The following AKAP6 variants were observed in gnomAD, a reference collection of about 807,000 sequenced individuals.
AKAP6 encodes A-kinase anchor protein 6.
AKAP6 carries 58 observed loss-of-function variants against 188.5 expected under a neutral mutation model. That is an observed-to-expected ratio of 0.31 (90% CI 0.25 to 0.38). AKAP6 has a LOEUF of 0.38. Among genes scored for constraint, AKAP6 ranks in the 10% least tolerant of loss-of-function variants. AKAP6 has a pLI of 1.00. For synonymous variants in AKAP6, 989 were observed against 998.6 expected, an observed-to-expected ratio of 0.99 and a Z score of 0.18; for missense variants, 2,710 against 2,740.0, an observed-to-expected ratio of 0.99 and a Z score of 0.24.
intron 7 of AKAP6, among the ~76,000 whole-genome samples, chr14:32,605,829 A>G (rs548685940): frequency 2.0e-5 from 3 of 152,334 alleles, no homozygotes; most frequent in South Asian, 2.1e-4. Context: ...ATGATAATAC[A>G]TAACTCCAGA....
At chr14:32,592,997 C>T (rs961521160) in intron 5 of AKAP6, among the ~76,000 whole-genome samples, 3 of 141,664 alleles carry the variant, frequency 2.1e-5, no homozygotes, top group South Asian at 2.4e-4. Flanking sequence ...CACAGTGTCC[C>T]CTACCCCCAC....
At chr14:32,442,240 T>G (rs1890599682) in intron 2 of AKAP6, 1 of 152,184 alleles carries the variant, frequency 6.6e-6, no homozygotes, top group Non-Finnish European at 1.5e-5. Flanking sequence ...AACCATGTAT[T>G]TTGAGCCTCA....
intron 2 of AKAP6, among the ~76,000 whole-genome samples, chr14:32,522,656 G>A (rs1403572863): frequency 6.6e-6 from 1 of 152,198 alleles, no homozygotes; most frequent in African/African-American, 2.4e-5. Context: ...TCTCACACCA[G>A]TTAGAATGGT....
chr14:32,766,268 G>A (rs1458061794), intron 11 of AKAP6, among the ~76,000 whole-genome samples: 4 of 151,982 alleles, frequency 2.6e-5, no homozygotes, highest in Non-Finnish European at 5.9e-5. Flanking sequence ...GTTGATGGGT[G>A]TTTGACATGT....
chr14:32,485,498 T>C (rs375559542), intron 2 of AKAP6, among the ~76,000 whole-genome samples: 1 of 152,104 alleles, frequency 6.6e-6, no homozygotes, highest in East Asian at 1.9e-4. Context: ...TTTTAATGAT[T>C]GCCATTCTAA....
chr14:32,533,618 A>G (rs939674223), intron 2 of AKAP6, among the ~76,000 whole-genome samples: 1 of 152,188 alleles, frequency 6.6e-6, no homozygotes, highest in African/African-American at 2.4e-5. Context: ...GGAGTTTCTC[A>G]AAGTGGCACA....
intron 1 of AKAP6, among the ~76,000 whole-genome samples, chr14:32,377,703 C>A (rs764865363): frequency 1.6e-4 from 25 of 152,186 alleles, no homozygotes; most frequent in Non-Finnish European, 3.1e-4. Context: ...GGGTGCCCTA[C>A]TTCTGGAGAA....
At chr14:32,636,893 G>A (rs545405365) in intron 7 of AKAP6, among the ~76,000 whole-genome samples, 1 of 152,178 alleles carries the variant, frequency 6.6e-6, no homozygotes, top group African/African-American at 2.4e-5. Flanking sequence ...GATCAGCTGT[G>A]CAATTTAGAG....
At chr14:32,711,143 T>C (rs896247474) in intron 9 of AKAP6, among the ~76,000 whole-genome samples, 1 of 152,082 alleles carries the variant, frequency 6.6e-6, no homozygotes, top group African/African-American at 2.4e-5. Context: ...ATCTGCTATA[T>C]TGCAGTAATA....
chr14:32,339,427 T>G (rs117771057), intron 1 of AKAP6, among the ~76,000 whole-genome samples: 14 of 152,280 alleles, frequency 9.2e-5, no homozygotes, highest in African/African-American at 2.6e-4. Flanking sequence ...AATTCTTCTA[T>G]TGGAAGCAGG....
rs772087208 is a variant in AKAP6, at chr14:32,773,665, C to G, written c.3373-13C>G. The G allele has an allele frequency of 3.1e-6, 5 of 1,610,588 alleles. No individual in the cohort carries two copies. The highest frequency in any genetic ancestry group is 2.2e-5 in the South Asian group (2 of 90,732). ...TATAAACACTCATAGATTGGTTTCTCTCTATGTTGCAGTCCCTCTGTCGTG... is the reference window on the plus strand; with the variant it reads ...TATAAACACTCATAGATTGGTTTCTGTCTATGTTGCAGTCCCTCTGTCGTG... On this transcript the variant is annotated splice_polypyrimidine_tract_variant and intron_variant, in intron 11 of 13. Transcript: ENST00000280979.
intron 4 of AKAP6, among the ~76,000 whole-genome samples, chr14:32,556,748 T>G (rs144201026): frequency 9.7e-4 from 148 of 152,330 alleles, no homozygotes; most frequent in African/African-American, 3.4e-3. Flanking sequence ...CATCAAGTTT[T>G]TAAGTTTGAT....
chr14:32,723,718 C>T (rs1005839121), intron 9 of AKAP6, among the ~76,000 whole-genome samples: 1 of 152,084 alleles, frequency 6.6e-6, no homozygotes, highest in Non-Finnish European at 1.5e-5. Context: ...GCTCTCCCAT[C>T]CTCCACAGTT....
intron 4 of AKAP6, among the ~76,000 whole-genome samples, chr14:32,571,947 T>C (rs1453724901): frequency 6.6e-6 from 1 of 152,182 alleles, no homozygotes; most frequent in Non-Finnish European, 1.5e-5. Context: ...AAAATAAATG[T>C]GTTTCTTGTT....
chr14:32,818,759 G>A (rs2034450051), intron 12 of AKAP6, among the ~76,000 whole-genome samples: 2 of 148,258 alleles, frequency 1.3e-5, no homozygotes, highest in Non-Finnish European at 2.9e-5. Context: ...TGCCACTTGG[G>A]CTTAGCTCCC....
At chr14:32,576,390 T>C (rs1046539519) in intron 4 of AKAP6, among the ~76,000 whole-genome samples, 2 of 152,194 alleles carry the variant, frequency 1.3e-5, no homozygotes, top group Non-Finnish European at 1.5e-5. Flanking sequence ...TTTCTACAGA[T>C]GTATACTTCT....
intron 2 of AKAP6, among the ~76,000 whole-genome samples, chr14:32,492,978 A>C (rs938677920): frequency 2.0e-5 from 3 of 152,332 alleles, no homozygotes; most frequent in Admixed American, 1.3e-4. Context: ...TGACTATGGG[A>C]TGTGTCTTGC....
intron 2 of AKAP6, among the ~76,000 whole-genome samples, chr14:32,489,462 G>A (rs909943897): frequency 6.6e-6 from 1 of 152,138 alleles, no homozygotes; most frequent in Non-Finnish European, 1.5e-5. Context: ...CTTCCAATCA[G>A]TCTCTCAAAG....
At chr14:32,742,099 T>C (rs1426892971) in intron 11 of AKAP6, among the ~76,000 whole-genome samples, 2 of 151,970 alleles carry the variant, frequency 1.3e-5, no homozygotes, top group African/African-American at 2.4e-5. Flanking sequence ...GGTTCAATCT[T>C]GATAGGTTGT....
Sources: gnomAD v4.1 joint callset for allele counts (sites outside exome capture counted in the v4.1 genomes callset) on GRCh38, gnomAD v4.1.1 for gene constraint, MANE v1.5 for transcripts, NCBI Gene and HGNC (gene_info 2026-07-23, HGNC 2026-07-21) for gene names.